ETV6: variants seen among roughly 807,000 people sequenced by gnomAD.
The protein encoded by ETV6 is ETS variant transcription factor 6.
Under a neutral mutation model 51.1 loss-of-function variants are expected in ETV6, and 16 were observed. The observed-to-expected ratio is 0.31, with a 90% CI of 0.21 to 0.48. The LOEUF (loss-of-function observed/expected upper bound fraction) is 0.48, where lower values mean the gene tolerates loss of function less well. Among genes scored for constraint, ETV6 ranks in the 20% least tolerant of loss-of-function variants. The pLI is 0.99. For synonymous variants in ETV6, 240 were observed against 224.1 expected (o/e 1.07, Z -0.64); for missense variants, 458 against 594.8 (o/e 0.77, Z 2.39).
chr12:11,667,951 C>A (rs192086017), intron 1 of ETV6, among the ~76,000 whole-genome samples: 3 of 152,194 alleles, frequency 2.0e-5, no homozygotes, highest in Admixed American at 6.5e-5. Flanking sequence ...CCACCCGCTT[C>A]GGCCTCCCAA....
chr12:11,655,750 TA>T (rs1476379787), intron 1 of ETV6, among the ~76,000 whole-genome samples: 1 of 152,250 alleles, frequency 6.6e-6, no homozygotes, highest in Non-Finnish European at 1.5e-5. Flanking sequence ...GGTCGTTGTC[TA>T]AATGATCTGG....
intron 2 of ETV6, among the ~76,000 whole-genome samples, chr12:11,827,587 G>A (rs1946177026): frequency 6.6e-6 from 1 of 151,806 alleles, no homozygotes; most frequent in Non-Finnish European, 1.5e-5. Context: ...TCCTCCTCCT[G>A]GAATTCAGTG....
chr12:11,873,427 A>G lies in ETV6; in HGVS notation c.1009+3458A>G, dbSNP rs145026082. 1.4e-3 allele frequency among the ~76,000 whole-genome samples: 216 copies of G among 152,326 alleles called. 1 individual carries two copies. Among genetic ancestry groups the G allele is most frequent in the Admixed American group, 2.4e-3 (37 of 15,302 alleles). On this transcript the variant is annotated intron_variant, in intron 5 of 7. Transcript: ENST00000396373. ...ATTGGGTGATTCCTGTGTACAACGTAAAAGTTCTGTCATTAACTGAATAGC... is the reference window on the plus strand; with the variant it reads ...ATTGGGTGATTCCTGTGTACAACGTGAAAGTTCTGTCATTAACTGAATAGC...
At chr12:11,709,784 A>G (rs1229383097) in intron 1 of ETV6, among the ~76,000 whole-genome samples, 1 of 152,232 alleles carries the variant, frequency 6.6e-6, no homozygotes, top group Non-Finnish European at 1.5e-5. Context: ...AGGGAATGCC[A>G]CAGCAGATGG....
At chr12:11,845,059 G>C (rs1400458103) in intron 3 of ETV6, among the ~76,000 whole-genome samples, 1 of 152,080 alleles carries the variant, frequency 6.6e-6, no homozygotes, top group African/African-American at 2.4e-5. Flanking sequence ...TCAATCTCTT[G>C]ACCTCATGAT....
intron 2 of ETV6, among the ~76,000 whole-genome samples, chr12:11,806,539 G>A (rs1945831712): frequency 6.6e-6 from 1 of 152,180 alleles, no homozygotes; most frequent in South Asian, 2.1e-4. Context: ...ACACATGGAG[G>A]TAAATGCATT....
intron 1 of ETV6, among the ~76,000 whole-genome samples, chr12:11,729,705 C>T (rs79344601): frequency 6.6e-6 from 1 of 152,256 alleles, no homozygotes; most frequent in East Asian, 1.9e-4. Flanking sequence ...TTAGATACTA[C>T]CTTGACCTCT....
intron 1 of ETV6, among the ~76,000 whole-genome samples, chr12:11,728,438 T>G (rs1216669487): frequency 6.6e-6 from 1 of 151,858 alleles, no homozygotes; most frequent in Admixed American, 6.6e-5. Context: ...CAGCATTAGA[T>G]TCTCGTAAGA....
chr12:11,834,363 G>T (rs1026179841), intron 2 of ETV6, among the ~76,000 whole-genome samples: 8 of 152,146 alleles, frequency 5.3e-5, no homozygotes, highest in Non-Finnish European at 4.4e-5. Flanking sequence ...GTAGAACCTA[G>T]AGCAAATTCC....
intron 2 of ETV6, among the ~76,000 whole-genome samples, chr12:11,814,437 A>T (rs1945962116): frequency 6.6e-6 from 1 of 151,824 alleles, no homozygotes; most frequent in Admixed American, 6.6e-5. Context: ...TTTTTTTTTC[A>T]GAGTAAGTAT....
intron 2 of ETV6, among the ~76,000 whole-genome samples, chr12:11,827,320 G>A (rs887575402): frequency 2.0e-5 from 3 of 152,000 alleles, no homozygotes; most frequent in Admixed American, 6.6e-5. Flanking sequence ...GCAACCAACC[G>A]GGCCTTTGAA....
intron 7 of ETV6, among the ~76,000 whole-genome samples, chr12:11,887,387 C>T (rs1049674774): frequency 6.6e-6 from 1 of 152,102 alleles, no homozygotes; most frequent in Non-Finnish European, 1.5e-5. Context: ...AGGCTGTGTC[C>T]CCTTAAATAT....
intron 3 of ETV6, among the ~76,000 whole-genome samples, chr12:11,845,084 C>T (rs1946442234): frequency 6.6e-6 from 1 of 152,198 alleles, no homozygotes; most frequent in Non-Finnish European, 1.5e-5. Context: ...CCACTTTGGC[C>T]TCCCAAAGTG....
intron 1 of ETV6, among the ~76,000 whole-genome samples, chr12:11,712,270 T>TA (rs1865188612): frequency 6.6e-6 from 1 of 152,252 alleles, no homozygotes; most frequent in Non-Finnish European, 1.5e-5. Context: ...TTTTAAGGGA[T>TA]AAAATTGCAA....
intron 1 of ETV6, among the ~76,000 whole-genome samples, chr12:11,678,928 A>G (rs1452993804): frequency 1.3e-5 from 2 of 152,142 alleles, no homozygotes; most frequent in African/African-American, 2.4e-5. Context: ...CAGGCCCATA[A>G]TGGATTAGAT....
At chr12:11,789,931 A>G (rs1337418028) in intron 2 of ETV6, among the ~76,000 whole-genome samples, 1 of 152,106 alleles carries the variant, frequency 6.6e-6, no homozygotes, top group African/African-American at 2.4e-5. Flanking sequence ...TGCTCTTTCA[A>G]TCTGGATATT....
intron 2 of ETV6, among the ~76,000 whole-genome samples, chr12:11,760,271 CCAG>C (rs1274552601): frequency 9.8e-5 from 15 of 152,318 alleles, no homozygotes; most frequent in Admixed American, 7.8e-4. Context: ...ATTTCTGCTT[CCAG>C]CAGATCATGG....
chr12:11,660,940 G>T (rs763257437), intron 1 of ETV6, among the ~76,000 whole-genome samples: 1 of 152,232 alleles, frequency 6.6e-6, no homozygotes, highest in Non-Finnish European at 1.5e-5. Context: ...CCTGTGACAG[G>T]TTTTGGAAAA....
chr12:11,871,773 A>C (rs765555114), intron 5 of ETV6, among the ~76,000 whole-genome samples: 1 of 152,210 alleles, frequency 6.6e-6, no homozygotes, highest in Admixed American at 6.5e-5. Context: ...GCTAGTGGCT[A>C]TATGTCTGGG....
Sources: allele counts gnomAD v4.1 joint callset (sites outside exome capture counted in the v4.1 genomes callset), GRCh38; gene constraint gnomAD v4.1.1; transcripts MANE v1.5; gene names NCBI Gene and HGNC (gene_info 2026-07-23, HGNC 2026-07-21).